The following KCNB2 variants were observed in gnomAD, a reference collection of about 807,000 sequenced individuals.
KCNB2 encodes the protein delayed rectifier potassium channel protein.
A neutral mutation model predicts 61.5 loss-of-function variants in KCNB2; 15 were observed. The ratio of observed to expected loss-of-function variants is 0.24; its 90% confidence interval spans 0.16 to 0.38. KCNB2 has a LOEUF of 0.38. Among genes scored for constraint, KCNB2 ranks in the 10% least tolerant of loss-of-function variants. The pLI, the probability that KCNB2 is intolerant of heterozygous loss-of-function variation, is 1.00. For synonymous variants in KCNB2, 457 were observed against 446.0 expected (o/e 1.02, Z -0.31); for missense variants, 828 against 1,125.2 (o/e 0.74, Z 3.78).
At chr8:72,739,802 C>CAGT in intron 2 of KCNB2, among the ~76,000 whole-genome samples, 1 of 152,220 alleles carries the variant, frequency 6.6e-6, no homozygotes, top group South Asian at 2.1e-4. Flanking sequence ...TCAGTTCTAT[C>CAGT]AGTAGTACCA....
intron 2 of KCNB2, among the ~76,000 whole-genome samples, chr8:72,690,038 T>TAA (rs5892360): frequency 0.25 from 36,692 of 148,532 alleles, 6,112 homozygotes; most frequent in African/African-American, 0.48. Context: ...GCCCTCGCCA[T>TAA]AAAAAAAAAA....
At position 72,709,350 on chromosome 8, in the gene KCNB2, T is replaced by C. The variant is rs140743351; in HGVS notation, c.579+141037T>C. On this transcript the variant is annotated intron_variant, in intron 2 of 2. Coordinates refer to ENST00000523207, the MANE Select transcript of KCNB2 (RefSeq NM_004770.3). ...TTCTAACTGTGAAATTTGGCTAGCC[T>C]TCTGTATTAGACCATTTTTGCATCA... Among the ~76,000 whole-genome samples the C allele has an allele frequency of 4.7e-3, 709 of 152,220 alleles. 7 individuals are homozygous for C. The highest frequency in any genetic ancestry group is 0.016 in the African/African-American group (677 of 41,554).
intron 2 of KCNB2, among the ~76,000 whole-genome samples, chr8:72,759,726 C>A (rs1046922323): frequency 6.6e-6 from 1 of 152,132 alleles, no homozygotes; most frequent in Admixed American, 6.5e-5. Context: ...GAAGGTGATA[C>A]AAGGTTCAGT....
chr8:72,829,167 G>A (rs891189464), intron 2 of KCNB2, among the ~76,000 whole-genome samples: 1 of 152,058 alleles, frequency 6.6e-6, no homozygotes, highest in African/African-American at 2.4e-5. Flanking sequence ...AGATATTACT[G>A]CCTAAAACAA....
intron 2 of KCNB2, among the ~76,000 whole-genome samples, chr8:72,863,278 T>C (rs1274805458): frequency 6.6e-6 from 1 of 152,206 alleles, no homozygotes; most frequent in Non-Finnish European, 1.5e-5. Flanking sequence ...ACATTCCCTC[T>C]GCAATCTGGT....
Position 72,546,384 on chromosome 8 carries a change from G to A in KCNB2, c.-94+8499G>A, listed in dbSNP as rs543760109. 1.1e-4 allele frequency among the ~76,000 whole-genome samples: 16 copies of A among 152,196 alleles called. No individual in the cohort carries two copies. In the East Asian group the frequency reaches 2.9e-3, roughly 28 times the overall value. On this transcript the variant is annotated intron_variant, in intron 1 of 2. Coordinates refer to ENST00000523207, the MANE Select transcript of KCNB2 (RefSeq NM_004770.3). The stretch of plus-strand genomic sequence containing the variant: ...TACAAAAAAATTAGCCAGGCATGGT[G>A]GCAGGTGCCTGTAATCCCAGCTACT...
Position 72,733,432 on chromosome 8 carries a change from A to G in KCNB2, c.579+165119A>G, listed in dbSNP as rs534815021. On this transcript the variant is annotated intron_variant, in intron 2 of 2. Coordinates refer to ENST00000523207, the MANE Select transcript of KCNB2 (RefSeq NM_004770.3). Reference sequence around the variant, plus strand: ...TTGACCAAACAGGAGGCAGCCTAGCATAATGGGTGAAAGCATGGGTTCTGC... The same window carrying G: ...TTGACCAAACAGGAGGCAGCCTAGCGTAATGGGTGAAAGCATGGGTTCTGC... Among the ~76,000 whole-genome samples the G allele has an allele frequency of 6.6e-5, 10 of 152,304 alleles. No homozygotes were observed. In the South Asian group the frequency reaches 2.1e-3, roughly 32 times the overall value.
chr8:72,709,669 A>G (rs771055114), intron 2 of KCNB2, among the ~76,000 whole-genome samples: 10 of 152,070 alleles, frequency 6.6e-5, no homozygotes, highest in African/African-American at 2.4e-4. Flanking sequence ...TAAGCCATTC[A>G]TGAGGGATCC....
intron 2 of KCNB2, among the ~76,000 whole-genome samples, chr8:72,711,074 C>T (rs1405647139): frequency 1.3e-5 from 2 of 152,234 alleles, no homozygotes; most frequent in African/African-American, 4.8e-5. Context: ...TTCTGAGCAT[C>T]GCTCTCACTG....
At chr8:72,716,356 CA>C (rs1294379675) in intron 2 of KCNB2, among the ~76,000 whole-genome samples, 1 of 151,714 alleles carries the variant, frequency 6.6e-6, no homozygotes, top group African/African-American at 2.4e-5. Context: ...AGAGACACGA[CA>C]AAAAAAGAGA....
At chr8:72,794,409 C>T (rs1231269564) in intron 2 of KCNB2, among the ~76,000 whole-genome samples, 1 of 151,528 alleles carries the variant, frequency 6.6e-6, no homozygotes, top group Non-Finnish European at 1.5e-5. Flanking sequence ...TACTAAAATA[C>T]AAAAAATTAG....
intron 1 of KCNB2, among the ~76,000 whole-genome samples, chr8:72,546,196 A>G (rs1455950286): frequency 6.6e-6 from 1 of 152,166 alleles, no homozygotes; most frequent in Non-Finnish European, 1.5e-5. Flanking sequence ...AGGTTTAAAA[A>G]AAAATAAGCC....
intron 2 of KCNB2, among the ~76,000 whole-genome samples, chr8:72,845,578 G>A (rs537854154): frequency 1.3e-5 from 2 of 152,318 alleles, no homozygotes; most frequent in African/African-American, 2.4e-5. Flanking sequence ...AGGGAGATGG[G>A]CATTTTATCT....
chr8:72,868,056 G>GTT (rs67377649), intron 2 of KCNB2, among the ~76,000 whole-genome samples: 15 of 143,752 alleles, frequency 1.0e-4, no homozygotes, highest in East Asian at 2.1e-4. Flanking sequence ...TTGATTTTGG[G>GTT]TTTTTTTTTT....
chr8:72,704,903 A>G (rs1319742622), intron 2 of KCNB2, among the ~76,000 whole-genome samples: 2 of 152,326 alleles, frequency 1.3e-5, no homozygotes, highest in Non-Finnish European at 2.9e-5. Flanking sequence ...TATAATACCT[A>G]ATACAATGTA....
intron 2 of KCNB2, among the ~76,000 whole-genome samples, chr8:72,606,033 A>G (rs1805442042): frequency 6.6e-6 from 1 of 152,202 alleles, no homozygotes; most frequent in African/African-American, 2.4e-5. Flanking sequence ...AAAGATTGCA[A>G]AGATTTTGAA....
intron 2 of KCNB2, among the ~76,000 whole-genome samples, chr8:72,696,223 G>A (rs1807016697): frequency 6.6e-6 from 1 of 152,172 alleles, no homozygotes; most frequent in Non-Finnish European, 1.5e-5. Context: ...GAGTTCAAGA[G>A]TGAATCAGAT....
intron 2 of KCNB2, among the ~76,000 whole-genome samples, chr8:72,757,655 G>T (rs891058531): frequency 2.0e-5 from 3 of 152,140 alleles, no homozygotes; most frequent in African/African-American, 7.2e-5. Flanking sequence ...GTGTGTGTGT[G>T]TGTGATCCTA....
intron 2 of KCNB2, among the ~76,000 whole-genome samples, chr8:72,763,125 G>A (rs1170281045): frequency 1.3e-5 from 2 of 151,424 alleles, no homozygotes; most frequent in Non-Finnish European, 2.9e-5. Context: ...CTGAGGAACT[G>A]ATATCAGGTA....
Sources: allele counts gnomAD v4.1 joint callset (sites outside exome capture counted in the v4.1 genomes callset), GRCh38; gene constraint gnomAD v4.1.1; transcripts MANE v1.5; gene names NCBI Gene and HGNC (gene_info 2026-07-23, HGNC 2026-07-21).